ERBB3: variants seen among roughly 807,000 people sequenced by gnomAD.
ERBB3 encodes receptor tyrosine-protein kinase erbB-3.
Under a neutral mutation model 156.7 loss-of-function variants are expected in ERBB3, and 96 were observed. The observed-to-expected ratio is 0.61, with a 90% CI of 0.52 to 0.73. The LOEUF (loss-of-function observed/expected upper bound fraction) is 0.73, where lower values mean the gene tolerates loss of function less well. ERBB3 is among the 30% of genes least tolerant of loss of function. The pLI, the probability that ERBB3 is intolerant of heterozygous loss-of-function variation, is 0.00. For synonymous variants in ERBB3, 567 were observed against 632.0 expected, an observed-to-expected ratio of 0.90 and a Z score of 1.54; for missense variants, 1,406 against 1,709.4, an observed-to-expected ratio of 0.82 and a Z score of 3.13.
chr12:56,094,466 C>A lies in ERBB3; in HGVS notation c.1769C>A (p.Pro590His). 3.7e-6 allele frequency: 6 copies of A among 1,614,078 alleles called. No individual in the cohort carries two copies. The highest frequency in any genetic ancestry group is 5.1e-6 in the Non-Finnish European group (6 of 1,179,996). The change falls in exon 15 of 28, where the codon CCC becomes CAC. Residue 590 changes from proline (P) to histidine (H), a missense_variant. Around this residue, in one of 3 missense-constraint regions of ERBB3, gnomAD observed 979 missense variants for 1,219.6 expected, o/e 0.80. Coordinates refer to ENST00000267101, the MANE Select transcript of ERBB3 (RefSeq NM_001982.4). The part of the protein sequence containing the change: ...RDGPHCVSSC[P>H]HGVLGAKGPI... ...GGGCCCCACTGTGTGAGCAGCTGCC[C>A]CCATGGAGTCCTAGGTGCCAAGGGC...
intron 13 of ERBB3, 66 bp downstream of exon 13, chr12:56,093,962 G>A (rs757577500): frequency 1.4e-4 from 218 of 1,603,292 alleles, no homozygotes; most frequent in Non-Finnish European, 1.7e-4. Flanking sequence ...TGTTCAGGTG[G>A]CATACAATAA....
chr12:56,083,999 CT>C, intron 2 of ERBB3, 97 bp downstream of exon 2: 1 of 1,209,710 alleles, frequency 8.3e-7, no homozygotes, highest in Non-Finnish European at 1.2e-6. Context: ...GGAGTTCACC[CT>C]TCCTAAGACT....
At chr12:56,091,302 T>TATATATATATATA (rs1565858549) in intron 9 of ERBB3, among the ~76,000 whole-genome samples, 16 of 85,784 alleles carry the variant, frequency 1.9e-4, no homozygotes, top group Non-Finnish European at 2.8e-4. Context: ...ATATAAATAA[T>TATATATATATATA]ATATATAAAT....
In ERBB3 at chr12:56,087,901, C is replaced by T. The variant is rs1450683823; in HGVS notation, c.720C>T (p.Asp240=). Residue 240 remains aspartate, a synonymous_variant, in exon 6 of 28, where the codon GAC becomes GAT. Transcript: ENST00000267101. ...ECAGGCSGPQ[D]TDCFACRHFN... Reference sequence around the variant, plus strand: ...CCGGGGGCTGCTCAGGCCCTCAGGACACAGACTGCTTTGTATGTACCCTTT... The same window carrying T: ...CCGGGGGCTGCTCAGGCCCTCAGGATACAGACTGCTTTGTATGTACCCTTT... 2.5e-6 allele frequency: 4 copies of T among 1,614,024 alleles called. No homozygotes were observed. The highest frequency in any genetic ancestry group is 3.4e-6 in the Non-Finnish European group (4 of 1,179,980).
At position 56,092,981 on chromosome 12, in the gene ERBB3, C is replaced by T. The variant is rs761706940; in HGVS notation, c.1184-5C>T. ...CTGCCCATATGCCTCTCTCCAACCC[C>T]TCAGGTTACCTGAACATCCAGTCCT... On this transcript the variant is annotated splice_polypyrimidine_tract_variant and splice_region_variant and intron_variant, in intron 10 of 27. Coordinates refer to ENST00000267101, the MANE Select transcript of ERBB3 (RefSeq NM_001982.4). 3.7e-6 allele frequency: 6 copies of T among 1,613,240 alleles called. No homozygotes were observed. The African/African-American group carries it at 6.7e-5, about 18-fold the overall frequency.
chr12:56,095,551 G>A, intron 16 of ERBB3, 114 bp from the exon 17 acceptor site: 1 of 1,274,904 alleles, frequency 7.8e-7, no homozygotes, highest in South Asian at 1.2e-5. Flanking sequence ...GGATATATAT[G>A]TGAATGTTAA....
chr12:56,092,863 C>A, intron 10 of ERBB3, 43 bp downstream of exon 10: 1 of 1,577,444 alleles, frequency 6.3e-7, no homozygotes, highest in Non-Finnish European at 8.7e-7. Context: ...AATAGGTGAA[C>A]CACTGGCATA....
chr12:56,094,598 G>C (rs1378764939), intron 15 of ERBB3, 42 bp downstream of exon 15: 4 of 1,605,268 alleles, frequency 2.5e-6, no homozygotes, highest in Middle Eastern at 2.0e-4. Flanking sequence ...AGGTGGAAGG[G>C]TAGGAGCACA....
Position 56,094,414 on chromosome 12 carries a change from T to G in ERBB3, c.1717T>G (p.Cys573Gly). The G allele has an allele frequency of 6.2e-7, 1 of 1,614,142 alleles. No individual in the cohort carries two copies. Among genetic ancestry groups the G allele is most frequent in the Admixed American group, 1.7e-5 (1 of 60,020 alleles). ...CTCTTCCACTCAGGGCTCTGATACT[T>G]GTGCTCAATGTGCCCATTTTCGAGA... ...ATCNGSGSDTCAQCAHFRDGP... is the reference protein window; with the variant it reads ...ATCNGSGSDTGAQCAHFRDGP... The change falls in exon 15 of 28, where the codon TGT (cysteine) becomes GGT (glycine). Residue 573 changes from cysteine to glycine, a missense_variant. Cys to Gly is a radical substitution (Grantham distance 159). Transcript: ENST00000267101.
chr12:56,085,062 A>T lies in ERBB3; in HGVS notation c.302A>T (p.Asn101Ile), dbSNP rs201479792. ...MNEFSTLPLPNLRVVRGTQVY... is the reference protein window; with the variant it reads ...MNEFSTLPLPILRVVRGTQVY... ...GAATTCTCTACTCTACCATTGCCCA[A>T]CCTCCGCGTGGTGCGAGGGACCCAG... Residue 101 changes from asparagine (N) to isoleucine (I), a missense_variant, in exon 3 of 28, where the codon AAC (asparagine) becomes ATC (isoleucine). Around this residue, in one of 3 missense-constraint regions of ERBB3, gnomAD observed 979 missense variants for 1,219.6 expected, o/e 0.80. Coordinates refer to ENST00000267101, the MANE Select transcript of ERBB3 (RefSeq NM_001982.4). The T allele has an allele frequency of 1.2e-6, 2 of 1,613,958 alleles. No individual in the cohort carries two copies. Among genetic ancestry groups the T allele is most frequent in the Non-Finnish European group, 1.7e-6 (2 of 1,179,990 alleles).
In ERBB3 at chr12:56,099,632, T is replaced by C; in HGVS notation, c.2840-16T>C. 1 of 1,606,960 alleles carries C rather than the reference T, an allele frequency of 6.2e-7. No homozygotes were observed. The highest frequency in any genetic ancestry group is 2.2e-5 in the East Asian group (1 of 44,864). On this transcript the variant is annotated splice_polypyrimidine_tract_variant and intron_variant, in intron 23 of 27. Transcript: ENST00000267101. ...TATTCTCTTTTATGTCTCTACCTCC[T>C]ACATCTTATCTCCAGGTTGGATGAT...
At chr12:56,089,876 T>C (rs1233025349) in intron 9 of ERBB3, among the ~76,000 whole-genome samples, 1 of 150,702 alleles carries the variant, frequency 6.6e-6, no homozygotes, top group East Asian at 1.9e-4. Flanking sequence ...AATGTGTGTG[T>C]GTGTGTAAAA....
In ERBB3 at chr12:56,085,438, TA is replaced by T; in HGVS notation, c.421+259del. ...GAGCTGGATCTGTTAACCGTTTTTCTAATTTCAAAGTACAGTGTACCGGAGG... is the reference window on the plus strand; with the variant it reads ...GAGCTGGATCTGTTAACCGTTTTTCTATTTCAAAGTACAGTGTACCGGAGG... On this transcript the variant is annotated intron_variant, in intron 3 of 27. Coordinates refer to ENST00000267101, the MANE Select transcript of ERBB3 (RefSeq NM_001982.4). 3 of 1,417,608 alleles carry T rather than the reference TA, an allele frequency of 2.1e-6. No homozygotes were observed. In the South Asian group the frequency reaches 4.9e-5, roughly 23 times the overall value. 87.8% of individuals were successfully genotyped at this position (1,417,608 alleles called of 1,614,324 possible).
At chr12:56,093,116 T>C in intron 11 of ERBB3, 40 bp downstream of exon 11, 1 of 1,455,062 alleles carries the variant, frequency 6.9e-7, no homozygotes, top group Non-Finnish European at 9.7e-7. Flanking sequence ...CTTCAGGCAA[T>C]GAAGCCTGTG....
At position 56,093,329 on chromosome 12, in the gene ERBB3, G is replaced by A. The variant is rs1868776808; in HGVS notation, c.1275-16G>A. On this transcript the variant is annotated splice_polypyrimidine_tract_variant and intron_variant, in intron 11 of 27. Coordinates refer to ENST00000267101, the MANE Select transcript of ERBB3 (RefSeq NM_001982.4). ...CCTTAGTAGTCTCTCCTCTCATCCT[G>A]TCTCCTTATTCTCAGCCGGGGCTTC... 1 of 1,606,660 alleles carries A rather than the reference G, an allele frequency of 6.2e-7. No individual in the cohort carries two copies. Among genetic ancestry groups the A allele is most frequent in the African/African-American group, 1.3e-5 (1 of 74,712 alleles).
At chr12:56,094,620 A>C in intron 15 of ERBB3, 64 bp downstream of exon 15, 2 of 1,565,056 alleles carry the variant, frequency 1.3e-6, no homozygotes, top group Non-Finnish European at 1.7e-6. Context: ...AACTAGAGTG[A>C]GGGAAGCAGA....
Position 56,102,095 on chromosome 12 carries a change from G to A in ERBB3, c.*40G>A, listed in dbSNP as rs781739506. The A allele has an allele frequency of 6.4e-7, 1 of 1,567,352 alleles. No homozygotes were observed. The highest frequency in any genetic ancestry group is 1.7e-5 in the Admixed American group (1 of 59,970). On this transcript the variant is annotated 3_prime_UTR_variant, in exon 28 of 28. Transcript: ENST00000267101. ...GGCACTCAGGGAGCATTTAATGGCA[G>A]CTAGTGCCTTTAGAGGGTACCGTCT...
At position 56,093,822 on chromosome 12, in the gene ERBB3, C is replaced by A. The variant is rs186080571; in HGVS notation, c.1539C>A (p.Gly513=). The change falls in exon 13 of 28, where the codon GGC becomes GGA. Residue 513 remains glycine, a synonymous_variant. Transcript: ENST00000267101. Reference sequence around the variant, plus strand: ...CCTCTGGGGGATGCTGGGGCCCAGGCCCTGGTCAGTGCTTGTCCTGTCGAA... The same window carrying A: ...CCTCTGGGGGATGCTGGGGCCCAGGACCTGGTCAGTGCTTGTCCTGTCGAA... The part of the protein sequence containing the change: ...LCSSGGCWGP[G]PGQCLSCRNY... The A allele has an allele frequency of 2.5e-6, 4 of 1,613,880 alleles. No homozygotes were observed. The Admixed American group carries it at 5.0e-5, about 20-fold the overall frequency.
chr12:56,085,619 C>T, intron 3 of ERBB3: 1 of 270,204 alleles, frequency 3.7e-6, no homozygotes, highest in Non-Finnish European at 6.8e-6. Flanking sequence ...AAAAAATTAG[C>T]TGGCTATAGT....
Sources: allele counts gnomAD v4.1 joint callset (sites outside exome capture counted in the v4.1 genomes callset), GRCh38; gene constraint gnomAD v4.1.1; regional missense constraint gnomAD v4.1.1; transcripts MANE v1.5; gene names NCBI Gene and HGNC (gene_info 2026-07-23, HGNC 2026-07-21).